The following NEBL variants were observed in gnomAD, a reference collection of about 807,000 sequenced individuals.
NEBL encodes the protein LIM and SH3 protein 2.
NEBL carries 122 observed loss-of-function variants against 140.2 expected under a neutral mutation model. That is an observed-to-expected ratio of 0.87 (90% confidence interval 0.75 to 1.01). The LOEUF (loss-of-function observed/expected upper bound fraction) is 1.01, where lower values mean the gene tolerates loss of function less well. Ranked by LOEUF, NEBL falls within the 50% of genes least tolerant of loss-of-function variation. The pLI, the probability that NEBL is intolerant of heterozygous loss-of-function variation, is 0.00. For synonymous variants in NEBL, 436 were observed against 398.9 expected (o/e 1.09, Z -1.11); for missense variants, 1,365 against 1,231.3 (o/e 1.11, Z -1.62).
At chr10:20,972,577 T>A (rs1836623458) in intron 3 of NEBL, among the ~76,000 whole-genome samples, 1 of 151,952 alleles carries the variant, frequency 6.6e-6, no homozygotes, top group East Asian at 1.9e-4. Context: ...ACCCTGTCTC[T>A]ACTAAAAATA....
intron 2 of NEBL, among the ~76,000 whole-genome samples, chr10:21,148,922 C>T (rs947402486): frequency 6.6e-6 from 1 of 152,150 alleles, no homozygotes; most frequent in African/African-American, 2.4e-5. Flanking sequence ...TAAAGAAATT[C>T]TCTGATGTCC....
chr10:20,937,452 C>T (rs558583149), intron 4 of NEBL, among the ~76,000 whole-genome samples: 1 of 152,122 alleles, frequency 6.6e-6, no homozygotes, highest in African/African-American at 2.4e-5. Context: ...TTGAAAGAGC[C>T]AGGGGGTGGA....
rs74697606 is a variant in NEBL at position 20,963,729 on chromosome 10, C to A, written c.250-1950G>T. Among the ~76,000 whole-genome samples the A allele has an allele frequency of 7.8e-4, 119 of 152,262 alleles. 1 individual carries two copies. The highest frequency in any genetic ancestry group is 2.8e-3 in the African/African-American group (116 of 41,562). The stretch of plus-strand genomic sequence containing the variant: ...CACAGGTTTTGAGCTGACTACTGTT[C>A]AACAATCCTTTCCACATTCACAAGA... On this transcript the variant is annotated intron_variant, in intron 3 of 6. Coordinates refer to the NEBL transcript ENST00000417816.
chr10:20,950,380 C>T (rs1291560961), intron 4 of NEBL, among the ~76,000 whole-genome samples: 1 of 152,198 alleles, frequency 6.6e-6, no homozygotes, highest in South Asian at 2.1e-4. Flanking sequence ...CTGCCTCAAC[C>T]TATATTTCAG....
chr10:21,126,021 C>T (rs143702233), intron 2 of NEBL: 2 of 1,614,068 alleles, frequency 1.2e-6, no homozygotes, highest in African/African-American at 2.7e-5. Flanking sequence ...CTCTCCGCAG[C>T]CACCTGGCAA....
At chr10:21,029,941 G>A (rs1217193798) in intron 2 of NEBL, 4 of 573,964 alleles carry the variant, frequency 7.0e-6, no homozygotes, top group Non-Finnish European at 6.5e-6. Context: ...CAGCTCCAGA[G>A]ATGATTTCTC....
intron 3 of NEBL, among the ~76,000 whole-genome samples, chr10:21,193,706 G>A (rs370197279): frequency 6.6e-6 from 1 of 152,148 alleles, no homozygotes; most frequent in Non-Finnish European, 1.5e-5. Flanking sequence ...GCTTACTCAA[G>A]CACAGTACCA....
intron 2 of NEBL, among the ~76,000 whole-genome samples, chr10:21,076,186 T>C (rs555794988): frequency 1.3e-5 from 2 of 152,162 alleles, no homozygotes; most frequent in East Asian, 1.9e-4. Flanking sequence ...CTTACACCTG[T>C]AATCCCAGCA....
At chr10:20,950,717 G>A (rs1024464193) in intron 4 of NEBL, among the ~76,000 whole-genome samples, 1 of 152,124 alleles carries the variant, frequency 6.6e-6, no homozygotes, top group Non-Finnish European at 1.5e-5. Flanking sequence ...ATTTAAACAT[G>A]ATCAAGAAAT....
rs555973661 is a variant in NEBL at position 21,250,740 on chromosome 10, G to A, written n.279+992C>T. 1.4e-3 allele frequency among the ~76,000 whole-genome samples: 216 copies of A among 151,868 alleles called. 1 individual carries two copies. The highest frequency in any genetic ancestry group is 6.8e-3 in the Middle Eastern group (2 of 294). On this transcript the variant is annotated intron_variant and non_coding_transcript_variant, in intron 2 of 8. Transcript: ENST00000675702. ...AGCCTGGCCAACATGGTGAAACCCC[G>A]TCTCTACTAAAAATACAAAAAAAAA...
intron 1 of NEBL, among the ~76,000 whole-genome samples, chr10:21,286,050 C>T (rs767533447): frequency 1.3e-4 from 20 of 152,356 alleles, no homozygotes; most frequent in Non-Finnish European, 2.1e-4. Flanking sequence ...TTCTCCCCCT[C>T]TCTTTAGACT....
chr10:21,031,733 C>G (rs1187898116), intron 2 of NEBL, among the ~76,000 whole-genome samples: 2 of 152,202 alleles, frequency 1.3e-5, no homozygotes, highest in Non-Finnish European at 2.9e-5. Flanking sequence ...TTCTTTCCCA[C>G]CGGGAGCCCA....
intron 13 of NEBL, among the ~76,000 whole-genome samples, chr10:20,837,789 A>G (rs866852905): frequency 6.6e-6 from 1 of 152,196 alleles, no homozygotes; most frequent in Non-Finnish European, 1.5e-5. Flanking sequence ...ATGCTCATTT[A>G]CCATTCTGGA....
chr10:21,195,293 GATA>G (rs1206063295), intron 3 of NEBL, among the ~76,000 whole-genome samples: 4 of 152,086 alleles, frequency 2.6e-5, no homozygotes, highest in East Asian at 3.9e-4. Context: ...AACAGCAAAT[GATA>G]ATAAAGGAGG....
intron 3 of NEBL, among the ~76,000 whole-genome samples, chr10:21,223,420 T>C (rs11813348): frequency 1.3e-5 from 2 of 152,200 alleles, no homozygotes; most frequent in Middle Eastern, 3.4e-3. Flanking sequence ...ATTGTATATA[T>C]GTACCACATT....
intron 1 of NEBL, among the ~76,000 whole-genome samples, chr10:21,290,381 C>G (rs1157357723): frequency 2.0e-5 from 3 of 152,142 alleles, no homozygotes; most frequent in Non-Finnish European, 4.4e-5. Flanking sequence ...ATTTTCTAAC[C>G]TTCTCTTGTT....
At chr10:21,270,398 A>G (rs1463746776) in intron 1 of NEBL, among the ~76,000 whole-genome samples, 4 of 148,162 alleles carry the variant, frequency 2.7e-5, no homozygotes, top group African/African-American at 1.0e-4. Context: ...ACAGAGTCTC[A>G]CTCTGTCACC....
chr10:20,873,596 T>C (rs757384200), intron 5 of NEBL, among the ~76,000 whole-genome samples: 2 of 152,116 alleles, frequency 1.3e-5, no homozygotes, highest in Non-Finnish European at 2.9e-5. Flanking sequence ...TTTAGACTAT[T>C]ATGTACCATA....
chr10:20,869,708 A>G, intron 6 of NEBL, 32 bp downstream of exon 6: 1 of 1,461,874 alleles, frequency 6.8e-7, no homozygotes, highest in South Asian at 1.1e-5. Flanking sequence ...GTAAGAAATC[A>G]TTTCCGTTCA....
Sources: gnomAD v4.1 joint callset for allele counts (sites outside exome capture counted in the v4.1 genomes callset) on GRCh38, gnomAD v4.1.1 for gene constraint, MANE v1.5 for transcripts, NCBI Gene and HGNC (gene_info 2026-07-23, HGNC 2026-07-21) for gene names.